IMMP2L: variants seen among roughly 807,000 people sequenced by gnomAD.
IMMP2L encodes the protein inner mitochondrial membrane peptidase subunit 2, also known as mitochondrial inner membrane protease subunit 2.
Under a neutral mutation model 19.3 loss-of-function variants are expected in IMMP2L, and 18 were observed. That is an observed-to-expected ratio of 0.93 (90% CI 0.64 to 1.38). The LOEUF is 1.38. Among genes scored for constraint, IMMP2L ranks in the 40% most tolerant of loss-of-function variants. The pLI is 0.00. For synonymous variants in IMMP2L, 76 were observed against 73.0 expected (o/e 1.04, Z -0.21); for missense variants, 233 against 218.2 (o/e 1.07, Z -0.43).
At chr7:111,466,294 G>T (rs1840656526) in intron 3 of IMMP2L, among the ~76,000 whole-genome samples, 1 of 152,044 alleles carries the variant, frequency 6.6e-6, no homozygotes, top group South Asian at 2.1e-4. Context: ...GTATACATAT[G>T]TAACTAACCT....
At chr7:111,095,808 GT>G (rs1396968804) in intron 3 of IMMP2L, among the ~76,000 whole-genome samples, 1 of 151,820 alleles carries the variant, frequency 6.6e-6, no homozygotes, top group Non-Finnish European at 1.5e-5. Flanking sequence ...TATATACAGT[GT>G]CCACTCTCAG....
chr7:111,537,667 C>T (rs1036800663), intron 1 of IMMP2L, among the ~76,000 whole-genome samples: 1 of 151,172 alleles, frequency 6.6e-6, no homozygotes, highest in Non-Finnish European at 1.5e-5. Flanking sequence ...TCCCAAGTAG[C>T]GGGAACCACA....
intron 5 of IMMP2L, among the ~76,000 whole-genome samples, chr7:110,860,237 C>G (rs1655038074): frequency 6.6e-6 from 1 of 151,968 alleles, no homozygotes; most frequent in African/African-American, 2.4e-5. Context: ...TTAATTTTAA[C>G]TTATAAATAG....
intron 3 of IMMP2L, among the ~76,000 whole-genome samples, chr7:111,318,012 T>C (rs569316245): frequency 6.6e-6 from 1 of 152,296 alleles, no homozygotes; most frequent in South Asian, 2.1e-4. Flanking sequence ...GCACCAATTA[T>C]GGTAAATAAA....
At chr7:111,016,913 A>G (rs1341842941) in intron 3 of IMMP2L, among the ~76,000 whole-genome samples, 9 of 91,130 alleles carry the variant, frequency 9.9e-5, no homozygotes, top group African/African-American at 3.7e-4. Context: ...ATATAATTAT[A>G]TATATATTTA....
chr7:110,809,941 T>C (rs889018998), intron 5 of IMMP2L, among the ~76,000 whole-genome samples: 3 of 152,074 alleles, frequency 2.0e-5, no homozygotes, highest in Non-Finnish European at 4.4e-5. Context: ...ACATACACTT[T>C]GGAAACAGCA....
intron 3 of IMMP2L, among the ~76,000 whole-genome samples, chr7:111,188,610 G>A (rs754846581): frequency 7.2e-5 from 11 of 152,120 alleles, no homozygotes; most frequent in Non-Finnish European, 1.3e-4. Flanking sequence ...CTTATTAGAC[G>A]GCTCTGCTCA....
intron 3 of IMMP2L, among the ~76,000 whole-genome samples, chr7:111,206,032 AAC>A (rs748034851): frequency 1.3e-5 from 2 of 152,224 alleles, no homozygotes; most frequent in African/African-American, 4.8e-5. Context: ...CGTGCTACAA[AAC>A]ACAGTGTTAA....
intron 3 of IMMP2L, among the ~76,000 whole-genome samples, chr7:111,133,731 A>G (rs534971714): frequency 6.6e-6 from 1 of 152,140 alleles, no homozygotes; most frequent in South Asian, 2.1e-4. Context: ...AGAGGTAGAA[A>G]TATGAGAAGA....
intron 3 of IMMP2L, among the ~76,000 whole-genome samples, chr7:111,191,527 T>A (rs1808877462): frequency 6.6e-6 from 1 of 151,974 alleles, no homozygotes; most frequent in Non-Finnish European, 1.5e-5. Context: ...GAATGACTTT[T>A]AATGTACTCT....
chr7:110,809,090 C>T (rs1055508188), intron 5 of IMMP2L, among the ~76,000 whole-genome samples: 6 of 151,906 alleles, frequency 3.9e-5, no homozygotes, highest in Admixed American at 6.6e-5. Flanking sequence ...GCTCAATTAC[C>T]GTTTCAACTT....
intron 3 of IMMP2L, among the ~76,000 whole-genome samples, chr7:111,073,997 C>T (rs1392596803): frequency 1.3e-5 from 2 of 152,166 alleles, no homozygotes; most frequent in African/African-American, 4.8e-5. Context: ...TGTCCAAGCT[C>T]TAATATCTGA....
chr7:110,845,716 G>A (rs998220890), intron 5 of IMMP2L, among the ~76,000 whole-genome samples: 15 of 152,140 alleles, frequency 9.9e-5, no homozygotes, highest in East Asian at 1.9e-4. Context: ...TTAACTTCAC[G>A]ATTCCACATT....
At chr7:110,679,365 T>C (rs756115215) in intron 5 of IMMP2L, among the ~76,000 whole-genome samples, 2 of 152,150 alleles carry the variant, frequency 1.3e-5, no homozygotes, top group African/African-American at 2.4e-5. Context: ...TCAACAATAA[T>C]CCAAGGTGGA....
At chr7:110,687,710 G>A (rs1055092692) in intron 5 of IMMP2L, among the ~76,000 whole-genome samples, 2 of 151,972 alleles carry the variant, frequency 1.3e-5, no homozygotes, top group Non-Finnish European at 2.9e-5. Flanking sequence ...GCATGTGTAC[G>A]TAAATAATTC....
At chr7:111,278,224 A>T (rs1819315846) in intron 3 of IMMP2L, among the ~76,000 whole-genome samples, 1 of 152,204 alleles carries the variant, frequency 6.6e-6, no homozygotes, top group South Asian at 2.1e-4. Context: ...CAAATATACA[A>T]ACAAATAATT....
intron 5 of IMMP2L, among the ~76,000 whole-genome samples, chr7:110,684,665 T>C (rs914842220): frequency 1.3e-5 from 2 of 152,044 alleles, no homozygotes; most frequent in African/African-American, 4.8e-5. Flanking sequence ...TTAGCCCCTG[T>C]GTAAATGAAA....
At chr7:111,433,046 G>A (rs1836796295) in intron 3 of IMMP2L, among the ~76,000 whole-genome samples, 1 of 151,570 alleles carries the variant, frequency 6.6e-6, no homozygotes, top group Non-Finnish European at 1.5e-5. Flanking sequence ...ATGCTGCTAT[G>A]AAGAAACCTG....
intron 3 of IMMP2L, among the ~76,000 whole-genome samples, chr7:111,032,509 A>G (rs1585859609): frequency 6.6e-6 from 1 of 152,184 alleles, no homozygotes; most frequent in Non-Finnish European, 1.5e-5. Context: ...AACAATAAGG[A>G]AACAATCCAG....
Sources: allele counts gnomAD v4.1 joint callset (sites outside exome capture counted in the v4.1 genomes callset), GRCh38; gene constraint gnomAD v4.1.1; transcripts MANE v1.5; gene names NCBI Gene and HGNC (gene_info 2026-07-23, HGNC 2026-07-21).